The following SDHC variants were observed in gnomAD, a reference collection of about 807,000 sequenced individuals.
The protein encoded by SDHC is succinate dehydrogenase cytochrome b560 subunit, mitochondrial.
In SDHC, 11 loss-of-function variants were observed where a neutral mutation model predicts 22.6. That is an observed-to-expected ratio of 0.49 (90% CI 0.31 to 0.81). SDHC has a LOEUF of 0.81. Among genes scored for constraint, SDHC ranks in the 30% least tolerant of loss-of-function variants. The probability of loss-of-function intolerance (pLI) is 0.05; values close to 1 mark genes in which losing one functional copy is unlikely to be tolerated. For synonymous variants in SDHC, 80 were observed against 77.8 expected, an observed-to-expected ratio of 1.03 and a Z score of -0.15; for missense variants, 160 against 212.0, an observed-to-expected ratio of 0.75 and a Z score of 1.52.
At position 161,328,467 on chromosome 1, in the gene SDHC, G is replaced by C. The variant is rs769177037; in HGVS notation, c.149G>C (p.Arg50Pro). 6.2e-7 allele frequency: 1 copy of C among 1,612,596 alleles called. No homozygotes were observed. The highest frequency in any genetic ancestry group is 8.5e-7 in the Non-Finnish European group (1 of 1,178,628). ...RFWNKNIGSN[R>P]PLSPHITIYS... is the part of the protein sequence containing the mutation. Reference sequence around the variant, plus strand: ...TGGAATAAGAATATAGGTTCAAACCGTCCTCTGTCTCCCCACATTACTATC... The same window carrying C: ...TGGAATAAGAATATAGGTTCAAACCCTCCTCTGTCTCCCCACATTACTATC... Residue 50 changes from arginine (R) to proline (P), a missense_variant, in exon 3 of 6, where the codon CGT becomes CCT. Physicochemically the swap from Arg to Pro is moderately radical, Grantham distance 103. Around this residue, in one of 2 missense-constraint regions of SDHC, gnomAD observed 86 missense variants for 83.4 expected, o/e 1.03. Transcript: ENST00000367975.
intron 4 of SDHC, among the ~76,000 whole-genome samples, chr1:161,355,409 A>G (rs1672236494): frequency 6.6e-6 from 1 of 152,134 alleles, no homozygotes; most frequent in Non-Finnish European, 1.5e-5. Context: ...TTGTCTTTTC[A>G]CTTTCTTGAT....
chr1:161,362,780 C>T lies in SDHC; in HGVS notation c.*347C>T, dbSNP rs1672578224. On this transcript the variant is annotated 3_prime_UTR_variant, in exon 6 of 6. Transcript: ENST00000367975. Reference sequence around the variant, plus strand: ...CTTCCTGAGACAGTGGAAACAATGCCAGCTCTGTGGCTTCTGCCCTGGGGA... The same window carrying T: ...CTTCCTGAGACAGTGGAAACAATGCTAGCTCTGTGGCTTCTGCCCTGGGGA... 1 of 528,636 alleles carries T rather than the reference C, an allele frequency of 1.9e-6. No individual in the cohort carries two copies. The highest frequency in any genetic ancestry group is 3.4e-6 in the Non-Finnish European group (1 of 297,306). The allele number at this position is 528,636 out of a possible 1,614,324, so 32.7% of individuals were successfully genotyped here.
intron 3 of SDHC, among the ~76,000 whole-genome samples, chr1:161,338,847 T>G (rs931020790): frequency 6.6e-6 from 1 of 151,876 alleles, no homozygotes; most frequent in Non-Finnish European, 1.5e-5. Flanking sequence ...GTGATTGCTT[T>G]CTTTCTTTTT....
chr1:161,351,267 A>G (rs1672088656), intron 4 of SDHC, among the ~76,000 whole-genome samples: 2 of 152,148 alleles, frequency 1.3e-5, no homozygotes, highest in Non-Finnish European at 2.9e-5. Flanking sequence ...TCTATCTTCT[A>G]TACTTTAGTC....
chr1:161,324,362 G>C (rs1290919016), intron 2 of SDHC, among the ~76,000 whole-genome samples: 2 of 152,160 alleles, frequency 1.3e-5, no homozygotes, highest in Non-Finnish European at 2.9e-5. Context: ...CCCCTGCCTC[G>C]GCTGGGATTA....
At chr1:161,320,983 C>T (rs1222701997) in intron 1 of SDHC, among the ~76,000 whole-genome samples, 1 of 152,064 alleles carries the variant, frequency 6.6e-6, no homozygotes, top group Non-Finnish European at 1.5e-5. Context: ...TGCGCCACTA[C>T]GCCCAGCTAA....
chr1:161,338,376 C>T (rs1006143370), intron 3 of SDHC, among the ~76,000 whole-genome samples: 4 of 152,186 alleles, frequency 2.6e-5, no homozygotes, highest in African/African-American at 9.7e-5. Context: ...CTTTATTTCT[C>T]TTCAAAGTGT....
At position 161,355,084 on chromosome 1, in the gene SDHC, A is replaced by C. The variant is rs374931303; in HGVS notation, c.242-1593A>C. 3.3e-5 allele frequency among the ~76,000 whole-genome samples: 5 copies of C among 152,314 alleles called. No homozygotes were observed. The East Asian group carries it at 9.6e-4, about 29-fold the overall frequency. ...TCTCAGTCATTGGTGGTCGATAGCC[A>C]CTGAGCTCCAACAGATAATGCAGCC... On this transcript the variant is annotated intron_variant, in intron 4 of 5. Transcript: ENST00000367975.
At chr1:161,342,860 A>G (rs1671769260) in intron 4 of SDHC, among the ~76,000 whole-genome samples, 1 of 152,130 alleles carries the variant, frequency 6.6e-6, no homozygotes, top group Non-Finnish European at 1.5e-5. Flanking sequence ...ATCGGTATGA[A>G]ATTATATACC....
intron 1 of SDHC, among the ~76,000 whole-genome samples, chr1:161,321,797 A>T (rs1472644703): frequency 6.6e-6 from 1 of 152,244 alleles, no homozygotes; most frequent in African/African-American, 2.4e-5. Context: ...TTAGAAGATC[A>T]TTAGATCTGT....
intron 4 of SDHC, among the ~76,000 whole-genome samples, chr1:161,353,947 G>A (rs1672179139): frequency 6.6e-6 from 1 of 152,080 alleles, no homozygotes; most frequent in Non-Finnish European, 1.5e-5. Flanking sequence ...TGTTACCTGG[G>A]CTGGAGTGCA....
At chr1:161,321,289 CAATT>C (rs1293386680) in intron 1 of SDHC, among the ~76,000 whole-genome samples, 2 of 152,258 alleles carry the variant, frequency 1.3e-5, no homozygotes, top group East Asian at 3.9e-4. Flanking sequence ...TCTGGCTTGT[CAATT>C]AAAAATACAG....
intron 3 of SDHC, 78 bp from the exon 4 acceptor site, chr1:161,340,516 A>T: frequency 1.6e-6 from 2 of 1,253,368 alleles, no homozygotes. Flanking sequence ...GAATTAGTTT[A>T]TATTTTTGCC....
intron 4 of SDHC, among the ~76,000 whole-genome samples, chr1:161,348,592 G>A (rs1240160274): frequency 2.0e-5 from 3 of 150,006 alleles, no homozygotes; most frequent in Non-Finnish European, 4.4e-5. Context: ...AGGCTGAGGC[G>A]GGTGGATCAC....
intron 1 of SDHC, among the ~76,000 whole-genome samples, chr1:161,315,936 TAGTG>T (rs1670593404): frequency 6.6e-6 from 1 of 152,034 alleles, no homozygotes; most frequent in African/African-American, 2.4e-5. Context: ...CATAGGATAA[TAGTG>T]GAGAGAAGGA....
intron 4 of SDHC, among the ~76,000 whole-genome samples, chr1:161,342,929 C>T (rs987125859): frequency 3.3e-5 from 5 of 152,194 alleles, no homozygotes; most frequent in Admixed American, 1.3e-4. Context: ...GCCCCTCCAT[C>T]GCGTCTCTTT....
At chr1:161,321,457 G>T (rs1259403888) in intron 1 of SDHC, among the ~76,000 whole-genome samples, 1 of 152,184 alleles carries the variant, frequency 6.6e-6, no homozygotes. Flanking sequence ...GAGAGGGCAC[G>T]CCATAGATTC....
chr1:161,343,730 A>G (rs1165401926), intron 4 of SDHC, among the ~76,000 whole-genome samples: 1 of 152,176 alleles, frequency 6.6e-6, no homozygotes, highest in Non-Finnish European at 1.5e-5. Flanking sequence ...GATATTGATG[A>G]ACAGATTTAA....
At position 161,320,394 on chromosome 1, in the gene SDHC, T is replaced by C. The variant is rs1305304835; in HGVS notation, c.21-3220T>C. On this transcript the variant is annotated intron_variant, in intron 1 of 5. Transcript: ENST00000367975. ...TTACCTAGACATTTATGAAACTTTT[T>C]GGTATACCATCAGATCAAGTTTAGA... Among the ~76,000 whole-genome samples the C allele has an allele frequency of 2.6e-5, 4 of 152,230 alleles. No individual in the cohort carries two copies. The East Asian group carries it at 7.7e-4, about 29-fold the overall frequency.
Sources: allele counts gnomAD v4.1 joint callset (sites outside exome capture counted in the v4.1 genomes callset), GRCh38; gene constraint gnomAD v4.1.1; regional missense constraint gnomAD v4.1.1; transcripts MANE v1.5; gene names NCBI Gene and HGNC (gene_info 2026-07-23, HGNC 2026-07-21).